The following ADAM11 variants were observed in gnomAD, a reference collection of about 807,000 sequenced individuals.
ADAM11 encodes ADAM metallopeptidase domain 11.
ADAM11 carries 49 observed loss-of-function variants against 119.1 expected under a neutral mutation model. The observed-to-expected ratio is 0.41, with a 90% CI of 0.33 to 0.52. The LOEUF (loss-of-function observed/expected upper bound fraction) is 0.52. Ranked by LOEUF, ADAM11 falls within the 20% of genes least tolerant of loss-of-function variation. ADAM11 has a pLI of 0.20. For synonymous variants in ADAM11, 364 were observed against 408.0 expected, an observed-to-expected ratio of 0.89 and a Z score of 1.30; for missense variants, 777 against 1,047.5, an observed-to-expected ratio of 0.74 and a Z score of 3.56.
At position 44,772,874 on chromosome 17, in the gene ADAM11, T is replaced by C. The variant is rs1343608329; in HGVS notation, c.696T>C (p.Pro232=). The change falls in exon 9 of 27, where the codon CCT becomes CCC. Residue 232 remains proline (P), a synonymous_variant. Transcript: ENST00000200557. The surrounding 1 kb of genome is among the most constrained non-coding windows in gnomAD (Gnocchi z 4.5). ...CCCCCCAGGTCCGCCGGGGCCACCC[T>C]ACAGTGCACAGTGAAACCAAGTATG... The part of the protein sequence containing the change: ...RRKRQVRRGH[P]TVHSETKYVE... 6.2e-7 allele frequency: 1 copy of C among 1,613,202 alleles called. No individual in the cohort carries two copies.
Position 44,775,335 on chromosome 17 carries a change from A to C in ADAM11, c.1320+24A>C. 2 of 1,613,466 alleles carry C rather than the reference A, an allele frequency of 1.2e-6. No individual in the cohort carries two copies. The highest frequency in any genetic ancestry group is 1.7e-6 in the Non-Finnish European group (2 of 1,179,880). ...AGGTACCAGCCCCGCGGCGGGGAGC[A>C]TGGGAGCGGGCCCTGGGCGGGGTCC... On this transcript the variant is annotated intron_variant, in intron 15 of 26. Coordinates refer to ENST00000200557, the MANE Select transcript of ADAM11 (RefSeq NM_002390.6). The surrounding 1 kb of genome is among the most constrained non-coding windows in gnomAD (Gnocchi z 7.5).
rs2049583242 is a variant in ADAM11, at chr17:44,775,268, T to A, written c.1277T>A (p.Leu426Gln). 4.3e-6 allele frequency: 7 copies of A among 1,613,848 alleles called. No homozygotes were observed. The highest frequency in any genetic ancestry group is 5.9e-6 in the Non-Finnish European group (7 of 1,180,006). ...AGCATCGACGAGTACAACCAGTTTC[T>A]GCAGGAGGGTGGTGGCAGCTGCCTC... Reference protein sequence around the residue: ...RCSIDEYNQFLQEGGGSCLFN... With the variant: ...RCSIDEYNQFQQEGGGSCLFN... The change falls in exon 15 of 27, where the codon CTG (leucine) becomes CAG (glutamine). Residue 426 changes from leucine (L) to glutamine (Q), a missense_variant. Around this residue, in one of 4 missense-constraint regions of ADAM11, gnomAD observed 348 missense variants for 486.7 expected, o/e 0.72. Coordinates refer to ENST00000200557, the MANE Select transcript of ADAM11 (RefSeq NM_002390.6). This position sits in a 1 kb window ranked among gnomAD's most constrained non-coding sequence, Gnocchi z 7.5.
rs754606962 is a variant in ADAM11 at position 44,776,970 on chromosome 17, T to C, written c.1681+8T>C. On this transcript the variant is annotated splice_region_variant and intron_variant, in intron 20 of 26. Coordinates refer to ENST00000200557, the MANE Select transcript of ADAM11 (RefSeq NM_002390.6). This position sits in a 1 kb window ranked among gnomAD's most constrained non-coding sequence, Gnocchi z 5.2. ...AGGTTCTTTGGGGCCATGGTGAGTCTGGCTAGGGCTGGGAGTGGGGACTCC... is the reference window on the plus strand; with the variant it reads ...AGGTTCTTTGGGGCCATGGTGAGTCCGGCTAGGGCTGGGAGTGGGGACTCC... 6.2e-7 allele frequency: 1 copy of C among 1,610,038 alleles called. No homozygotes were observed. The highest frequency in any genetic ancestry group is 1.1e-5 in the South Asian group (1 of 90,962).
At chr17:44,770,507 C>T (rs1334513949) in intron 4 of ADAM11, among the ~76,000 whole-genome samples, 2 of 146,238 alleles carry the variant, frequency 1.4e-5, no homozygotes, top group African/African-American at 5.2e-5. Context: ...CCCGCCCCCA[C>T]TGCCTGTTCA....
chr17:44,761,536 G>A (rs1034526317), intron 2 of ADAM11, among the ~76,000 whole-genome samples: 16 of 152,056 alleles, frequency 1.1e-4, no homozygotes, highest in African/African-American at 1.2e-4. Context: ...GTGATCCACC[G>A]ATTCCAGATA....
intron 26 of ADAM11, 185 bp downstream of exon 26, chr17:44,779,424 C>T: frequency 1.0e-6 from 1 of 985,414 alleles, no homozygotes; most frequent in Non-Finnish European, 1.2e-6. Flanking sequence ...AAGAAGGTCC[C>T]AGCTGCCCTC....
At chr17:44,760,793 C>T (rs879697035) in intron 2 of ADAM11, among the ~76,000 whole-genome samples, 6 of 152,030 alleles carry the variant, frequency 3.9e-5, no homozygotes, top group African/African-American at 1.2e-4. Flanking sequence ...AGGAGGGAAA[C>T]GGAGGCTAAC....
In ADAM11 at chr17:44,781,108, A is replaced by C. The variant is rs1776993835; in HGVS notation, c.*1354A>C. 1 of 152,162 alleles carries C rather than the reference A, an allele frequency of 6.6e-6. No individual in the cohort carries two copies. The highest frequency in any genetic ancestry group is 2.1e-4 in the South Asian group (1 of 4,830). The allele number at this position is 152,162 out of a possible 1,614,324, so 9.4% of individuals were successfully genotyped here. A position where few individuals can be genotyped will look rare whatever the true frequency, so the allele number is the denominator to read the frequency against. ...ACCTAATGGATGAAAGCCACAAGTG[A>C]ATACAGTTCTTGTCACCAGGGTTGC... On this transcript the variant is annotated 3_prime_UTR_variant, in exon 27 of 27. Transcript: ENST00000200557.
Position 44,763,494 on chromosome 17 carries a change from AG to A in ADAM11, c.237+3599del, listed in dbSNP as rs78092567. Reference sequence around the variant, plus strand: ...CTTCTGTCCAGCCTGGAAGCAGGCTAGGCCTGAGGCCCAGAGAAGTGAGGGA... The same window carrying A: ...CTTCTGTCCAGCCTGGAAGCAGGCTAGCCTGAGGCCCAGAGAAGTGAGGGA... On this transcript the variant is annotated intron_variant, in intron 2 of 26. Transcript: ENST00000200557. Among the ~76,000 whole-genome samples the A allele has an allele frequency of 4.8e-4, 73 of 152,338 alleles. 1 individual carries two copies. In the East Asian group the frequency reaches 9.7e-3, roughly 20 times the overall value.
At chr17:44,766,333 T>C (rs1221925988) in intron 2 of ADAM11, among the ~76,000 whole-genome samples, 2 of 152,234 alleles carry the variant, frequency 1.3e-5, no homozygotes, top group African/African-American at 4.8e-5. Context: ...TCTCCCTTCC[T>C]AAGACTGTGT....
Position 44,772,118 on chromosome 17 carries a change from A to G in ADAM11, c.544-149A>G. The G allele has an allele frequency of 1.2e-6, 1 of 836,986 alleles. No individual in the cohort carries two copies. Among genetic ancestry groups the G allele is most frequent in the South Asian group, 1.8e-5 (1 of 56,572 alleles). 51.8% of individuals were successfully genotyped at this position (836,986 alleles called of 1,614,324 possible). ...CAGGTCTTGACCCCGGAATCTGAGC[A>G]TCTGGGAGATCAGATCCGACATGGG... On this transcript the variant is annotated intron_variant, in intron 6 of 26. Transcript: ENST00000200557. This position sits in a 1 kb window ranked among gnomAD's most constrained non-coding sequence, Gnocchi z 4.5.
chr17:44,770,490 C>A (rs757592), intron 4 of ADAM11, among the ~76,000 whole-genome samples: 103,337 of 134,922 alleles, frequency 0.77, 37,010 homozygotes, highest in East Asian at 0.83. Context: ...AGCCTGTCTC[C>A]CCCCCCCCCG....
In ADAM11 at chr17:44,772,223, C is replaced by A. The variant is rs1165491725; in HGVS notation, c.544-44C>A. On this transcript the variant is annotated intron_variant, in intron 6 of 26. Coordinates refer to ENST00000200557, the MANE Select transcript of ADAM11 (RefSeq NM_002390.6). The surrounding 1 kb of genome is among the most constrained non-coding windows in gnomAD (Gnocchi z 4.5). Reference sequence around the variant, plus strand: ...TGGCCCCCGCCAAGTGGGCCTGGAGCAGGCCCAGTTGGCACCCCAAGAACT... The same window carrying A: ...TGGCCCCCGCCAAGTGGGCCTGGAGAAGGCCCAGTTGGCACCCCAAGAACT... The A allele has an allele frequency of 6.4e-7, 1 of 1,560,338 alleles. No individual in the cohort carries two copies. Among genetic ancestry groups the A allele is most frequent in the Admixed American group, 1.8e-5 (1 of 56,156 alleles).
intron 2 of ADAM11, among the ~76,000 whole-genome samples, chr17:44,766,582 G>A (rs2049453734): frequency 6.6e-6 from 1 of 152,140 alleles, no homozygotes; most frequent in South Asian, 2.1e-4. Context: ...CCAGCCCCAG[G>A]GTGAGATCCA....
chr17:44,759,361 G>C, intron 1 of ADAM11, 101 bp downstream of exon 1: 2 of 1,275,914 alleles, frequency 1.6e-6, no homozygotes, highest in Non-Finnish European at 9.9e-7. Flanking sequence ...TGCTCGGGGT[G>C]ACAGCCGGTC....
In ADAM11 at chr17:44,776,947, G is replaced by A; in HGVS notation, c.1666G>A (p.Val556Ile). The A allele has an allele frequency of 6.2e-7, 1 of 1,612,824 alleles. No homozygotes were observed. Among genetic ancestry groups the A allele is most frequent in the South Asian group, 1.1e-5 (1 of 91,052 alleles). Residue 556 changes from valine (V) to isoleucine (I), a missense_variant, in exon 20 of 27, where the codon GTT (valine) becomes ATT (isoleucine). Physicochemically the swap from Val to Ile is conservative, Grantham distance 29. Around this residue, in one of 4 missense-constraint regions of ADAM11, gnomAD observed 348 missense variants for 486.7 expected, o/e 0.72. Transcript: ENST00000200557. This position sits in a 1 kb window ranked among gnomAD's most constrained non-coding sequence, Gnocchi z 5.2. The stretch of plus-strand genomic sequence containing the variant: ...CAAAACCCGGGACCGGCAGTGCCAG[G>A]TTCTTTGGGGCCATGGTGAGTCTGG... ...RCKTRDRQCQ[V>I]LWGHAAADRF...
In ADAM11 at chr17:44,780,083, C is replaced by T; in HGVS notation, c.*329C>T. ...GGGCGCCTGGAGGGATGCCCCCAGG[C>T]AGCCACCAGTGGACCTAGCCTGGAT... On this transcript the variant is annotated 3_prime_UTR_variant, in exon 27 of 27. Transcript: ENST00000200557. The T allele has an allele frequency of 1.5e-6, 1 of 654,116 alleles. No individual in the cohort carries two copies. Among genetic ancestry groups the T allele is most frequent in the Non-Finnish European group, 2.8e-6 (1 of 353,188 alleles). 40.5% of individuals were successfully genotyped at this position (654,116 alleles called of 1,614,324 possible). A position where few individuals can be genotyped will look rare whatever the true frequency, so the allele number is the denominator to read the frequency against.
Position 44,772,612 on chromosome 17 carries a change from G to T in ADAM11, c.678+146G>T. 8.5e-7 allele frequency: 1 copy of T among 1,179,290 alleles called. No homozygotes were observed. Among genetic ancestry groups the T allele is most frequent in the Non-Finnish European group, 1.2e-6 (1 of 843,140 alleles). 73.1% of individuals were successfully genotyped at this position (1,179,290 alleles called of 1,614,324 possible). On this transcript the variant is annotated intron_variant, in intron 8 of 26. Coordinates refer to ENST00000200557, the MANE Select transcript of ADAM11 (RefSeq NM_002390.6). This position sits in a 1 kb window ranked among gnomAD's most constrained non-coding sequence, Gnocchi z 4.5. ...GATGTGGCTGGGGGCCAGGGACCGTGTCTGGGAGAAGCCCCCACCCCTTCC... is the reference window on the plus strand; with the variant it reads ...GATGTGGCTGGGGGCCAGGGACCGTTTCTGGGAGAAGCCCCCACCCCTTCC...
At position 44,772,599 on chromosome 17, in the gene ADAM11, G is replaced by C; in HGVS notation, c.678+133G>C. 8.1e-7 allele frequency: 1 copy of C among 1,241,182 alleles called. No homozygotes were observed. Among genetic ancestry groups the C allele is most frequent in the East Asian group, 2.6e-5 (1 of 39,196 alleles). 76.9% of individuals were successfully genotyped at this position (1,241,182 alleles called of 1,614,324 possible). On this transcript the variant is annotated intron_variant, in intron 8 of 26. Transcript: ENST00000200557. The surrounding 1 kb of genome is among the most constrained non-coding windows in gnomAD (Gnocchi z 4.5). ...GAAGGCTCAGATGGATGTGGCTGGG[G>C]GCCAGGGACCGTGTCTGGGAGAAGC... is the stretch of plus-strand genomic sequence containing the variant.
Sources: allele counts gnomAD v4.1 joint callset (sites outside exome capture counted in the v4.1 genomes callset), GRCh38; gene constraint gnomAD v4.1.1; regional missense constraint gnomAD v4.1.1; non-coding constraint Gnocchi (gnomAD v3.1); transcripts MANE v1.5; gene names NCBI Gene and HGNC (gene_info 2026-07-23, HGNC 2026-07-21).